The following IMPG2 variants were observed in gnomAD, a reference collection of about 807,000 sequenced individuals.
IMPG2 encodes the protein IPM 200.
Under a neutral mutation model 129.2 loss-of-function variants are expected in IMPG2, and 91 were observed. That is an observed-to-expected ratio of 0.70 (90% CI 0.59 to 0.84). IMPG2 has a LOEUF of 0.84. Among genes scored for constraint, IMPG2 ranks in the 40% least tolerant of loss-of-function variants. The probability of loss-of-function intolerance (pLI) is 0.00; values close to 1 mark genes in which losing one functional copy is unlikely to be tolerated. For missense variants in IMPG2, 1,430 were observed against 1,461.7 expected (o/e 0.98, Z 0.35); for synonymous variants, 510 against 517.7 (o/e 0.99, Z 0.20).
chr3:101,245,681 A>G, intron 12 of IMPG2, 121 bp downstream of exon 12: 7 of 921,888 alleles, frequency 7.6e-6, no homozygotes, highest in Non-Finnish European at 1.2e-5. Context: ...CAATTTTACC[A>G]AGACATTTTC....
In IMPG2 at chr3:101,244,049, C is replaced by T. The variant is rs1192577108; in HGVS notation, c.2282G>A (p.Ser761Asn). 1.2e-6 allele frequency: 2 copies of T among 1,614,076 alleles called. No homozygotes were observed. Among genetic ancestry groups the T allele is most frequent in the South Asian group, 1.1e-5 (1 of 91,088 alleles). The part of the protein sequence containing the change: ...TESSNYEWFD[S>N]EVSMVKPDMQ... Reference sequence around the variant, plus strand: ...ATCTGGCTTTACCATTGAAACCTCACTGTCAAACCATTCATAGTTGGATGA... The same window carrying T: ...ATCTGGCTTTACCATTGAAACCTCATTGTCAAACCATTCATAGTTGGATGA... Residue 761 changes from serine (S) to asparagine (N), a missense_variant, in exon 13 of 19, where the codon AGT (serine) becomes AAT (asparagine). By Grantham distance (46) the Ser-to-Asn change is conservative. Transcript: ENST00000193391.
chr3:101,315,394 C>CGAT (rs1008575531), intron 2 of IMPG2, among the ~76,000 whole-genome samples: 5 of 152,004 alleles, frequency 3.3e-5, no homozygotes, highest in African/African-American at 1.2e-4. Context: ...GAGTCAGGGA[C>CGAT]GATGATGATG....
At position 101,253,712 on chromosome 3, in the gene IMPG2, G is replaced by A. The variant is rs148056371; in HGVS notation, c.1223C>T (p.Thr408Met). 1.6e-4 allele frequency: 257 copies of A among 1,611,032 alleles called. No homozygotes were observed. The Admixed American group carries it at 3.3e-3, about 21-fold the overall frequency. ...WNTQSSSLQATPSSILDNTFQ... is the reference protein window; with the variant it reads ...WNTQSSSLQAMPSSILDNTFQ... The stretch of plus-strand genomic sequence containing the variant: ...AAAACATACCAGAATAGATGACGGC[G>A]TTGCCTGAAGACTTGAACTTTGGGT... Residue 408 changes from threonine (T) to methionine (M), a missense_variant, in exon 11 of 19, where the codon ACG becomes ATG. Physicochemically the swap from Thr to Met is moderately conservative, Grantham distance 81. Coordinates refer to ENST00000193391, the MANE Select transcript of IMPG2 (RefSeq NM_016247.4).
In IMPG2 at chr3:101,244,446, A is replaced by C. The variant is rs1230023864; in HGVS notation, c.1885T>G (p.Ser629Ala). The change falls in exon 13 of 19, where the codon TCC (serine) becomes GCC (alanine). Residue 629 changes from serine to alanine, a missense_variant. Physicochemically the swap from Ser to Ala is moderately conservative, Grantham distance 99. Coordinates refer to ENST00000193391, the MANE Select transcript of IMPG2 (RefSeq NM_016247.4). ...TSSEKSAEPL[S>A]KPWLEDDDSL... ...TCATCATCTTCAAGCCACGGCTTGGACAGTGGTTCAGCGCTCTTCTCTGAT... is the reference window on the plus strand; with the variant it reads ...TCATCATCTTCAAGCCACGGCTTGGCCAGTGGTTCAGCGCTCTTCTCTGAT... 6.2e-7 allele frequency: 1 copy of C among 1,614,066 alleles called. No individual in the cohort carries two copies. The highest frequency in any genetic ancestry group is 8.5e-7 in the Non-Finnish European group (1 of 1,180,022).
rs1438921077 is a variant in IMPG2, at chr3:101,224,193, C to A, written c.*2776G>T. 6.6e-6 allele frequency: 1 copy of A among 152,102 alleles called. No homozygotes were observed. The highest frequency in any genetic ancestry group is 1.5e-5 in the Non-Finnish European group (1 of 68,038). 9.4% of individuals were successfully genotyped at this position (152,102 alleles called of 1,614,324 possible). A position where few individuals can be genotyped will look rare whatever the true frequency, so the allele number is the denominator to read the frequency against. On this transcript the variant is annotated 3_prime_UTR_variant, in exon 19 of 19. Coordinates refer to ENST00000193391, the MANE Select transcript of IMPG2 (RefSeq NM_016247.4). ...GGACTTCAGGCCACATAAACGTGAA[C>A]AAACACCCTTAAACCATTGCAATGG...
intron 16 of IMPG2, 130 bp downstream of exon 16, chr3:101,230,827 G>A (rs1706277277): frequency 5.1e-6 from 4 of 776,744 alleles, no homozygotes; most frequent in Non-Finnish European, 8.8e-6. Flanking sequence ...CAAGGACCAT[G>A]TGTTTATTCA....
At chr3:101,255,637 C>T (rs1389554566) in intron 10 of IMPG2, among the ~76,000 whole-genome samples, 1 of 152,048 alleles carries the variant, frequency 6.6e-6, no homozygotes. Flanking sequence ...TCCCAATATC[C>T]TGATTCCTAG....
chr3:101,273,831 T>A, intron 6 of IMPG2, 89 bp from the exon 7 acceptor site: 1 of 1,257,678 alleles, frequency 8.0e-7, no homozygotes. Context: ...GTCAGAACTG[T>A]GCTAAAGGCA....
chr3:101,232,726 T>C lies in IMPG2; in HGVS notation c.3233+55A>G, dbSNP rs116674381. The C allele has an allele frequency of 1.1e-3, 1,609 of 1,486,820 alleles. 12 individuals are homozygous for C. The African/African-American group carries it at 0.02, about 19-fold the overall frequency. The allele number at this position is 1,486,820 out of a possible 1,614,324, so 92.1% of individuals were successfully genotyped here. On this transcript the variant is annotated intron_variant, in intron 15 of 18. Coordinates refer to ENST00000193391, the MANE Select transcript of IMPG2 (RefSeq NM_016247.4). ...TAAAATTATAGGTGCAGGCCCCTTT[T>C]CTTTAGAGGAAATATCTATAGCCTC...
At chr3:101,275,513 T>C (rs1706831037) in intron 6 of IMPG2, 150 bp downstream of exon 6, 2 of 656,308 alleles carry the variant, frequency 3.0e-6, no homozygotes, top group Middle Eastern at 3.2e-4. Context: ...ATCTCAAAAT[T>C]GTTTTTAATG....
chr3:101,296,896 A>T (rs1389653434), intron 3 of IMPG2, among the ~76,000 whole-genome samples: 1 of 151,970 alleles, frequency 6.6e-6, no homozygotes, highest in African/African-American at 2.4e-5. Flanking sequence ...CTCTGACGGC[A>T]GTTTTTGTTG....
In IMPG2 at chr3:101,223,607, C is replaced by T. The variant is rs1706187889; in HGVS notation, c.*3362G>A. The T allele has an allele frequency of 6.6e-6, 1 of 152,198 alleles. No homozygotes were observed. The highest frequency in any genetic ancestry group is 2.1e-4 in the South Asian group (1 of 4,824). 9.4% of individuals were successfully genotyped at this position (152,198 alleles called of 1,614,324 possible). ...ATGAATAATTAGTTCAGGTATCATA[C>T]TTCAGCCAACCTACTTTTAGAGCCT... On this transcript the variant is annotated 3_prime_UTR_variant, in exon 19 of 19. Coordinates refer to ENST00000193391, the MANE Select transcript of IMPG2 (RefSeq NM_016247.4).
intron 9 of IMPG2, among the ~76,000 whole-genome samples, chr3:101,264,789 C>A (rs550751622): frequency 6.6e-6 from 1 of 151,658 alleles, no homozygotes; most frequent in South Asian, 2.1e-4. Flanking sequence ...TGATCTTACA[C>A]GGAGAAAAAC....
chr3:101,293,089 T>C (rs1252636027), intron 3 of IMPG2, among the ~76,000 whole-genome samples: 1 of 152,196 alleles, frequency 6.6e-6, no homozygotes, highest in African/African-American at 2.4e-5. Context: ...CCTATTAATG[T>C]TGGTATTTTG....
chr3:101,238,459 C>T (rs571086409), intron 14 of IMPG2, among the ~76,000 whole-genome samples: 38 of 152,244 alleles, frequency 2.5e-4, no homozygotes, highest in African/African-American at 8.9e-4. Flanking sequence ...ATGTTAAGGG[C>T]AGCCAGAGAG....
At chr3:101,259,467 A>G (rs758349860) in intron 9 of IMPG2, among the ~76,000 whole-genome samples, 5 of 151,818 alleles carry the variant, frequency 3.3e-5, no homozygotes, top group Non-Finnish European at 7.4e-5. Context: ...TGTTTTGTAC[A>G]AAGATTTTGT....
rs781694232 is a variant in IMPG2, at chr3:101,320,416, T to C, written c.-44A>G. On this transcript the variant is annotated 5_prime_UTR_variant, in exon 1 of 19. Coordinates refer to ENST00000193391, the MANE Select transcript of IMPG2 (RefSeq NM_016247.4). ...AATGAGGAGAGGACAGAATCCTTAA[T>C]TGAGTGTCCAAATCCTTGAAACTTC... 1.3e-4 allele frequency: 154 copies of C among 1,191,536 alleles called. No individual in the cohort carries two copies. The highest frequency in any genetic ancestry group is 1.9e-4 in the Non-Finnish European group (149 of 798,614). The allele number at this position is 1,191,536 out of a possible 1,614,324, so 73.8% of individuals were successfully genotyped here. A position where few individuals can be genotyped will look rare whatever the true frequency, so the allele number is the denominator to read the frequency against.
intron 9 of IMPG2, among the ~76,000 whole-genome samples, chr3:101,262,960 A>G (rs950621977): frequency 6.6e-6 from 1 of 151,986 alleles, no homozygotes; most frequent in Non-Finnish European, 1.5e-5. Context: ...AAAGAAGGAC[A>G]TTGTATAATA....
intron 3 of IMPG2, among the ~76,000 whole-genome samples, chr3:101,297,454 C>A (rs1314538722): frequency 1.3e-5 from 2 of 151,922 alleles, no homozygotes; most frequent in African/African-American, 4.8e-5. Context: ...TTTTGATTAG[C>A]TTCCACTTGC....
Sources: allele counts gnomAD v4.1 joint callset (sites outside exome capture counted in the v4.1 genomes callset), GRCh38; gene constraint gnomAD v4.1.1; transcripts MANE v1.5; gene names NCBI Gene and HGNC (gene_info 2026-07-23, HGNC 2026-07-21).